DYM: variants seen among roughly 807,000 people sequenced by gnomAD.
DYM encodes the protein dymeclin.
A neutral mutation model predicts 93.1 loss-of-function variants in DYM; 78 were observed. The ratio of observed to expected loss-of-function variants is 0.84; its 90% CI spans 0.70 to 1.01. The LOEUF is 1.01. DYM is among the 50% of genes least tolerant of loss of function. DYM has a pLI of 0.00. For synonymous variants in DYM, 321 were observed against 319.7 expected, an observed-to-expected ratio of 1.00 and a Z score of -0.04; for missense variants, 789 against 845.0, an observed-to-expected ratio of 0.93 and a Z score of 0.82.
chr18:49,087,096 C>T (rs929436515), intron 17 of DYM, among the ~76,000 whole-genome samples: 1 of 152,090 alleles, frequency 6.6e-6, no homozygotes, highest in Non-Finnish European at 1.5e-5. Context: ...ATCTATAAAC[C>T]AGGAAGCAGT....
At chr18:49,273,699 C>T (rs781685726) in intron 10 of DYM, among the ~76,000 whole-genome samples, 9 of 152,158 alleles carry the variant, frequency 5.9e-5, no homozygotes, top group Middle Eastern at 3.4e-3. Context: ...TTAGGCTCTA[C>T]GATCTAGGTT....
chr18:49,217,098 A>C (rs1333512132), intron 13 of DYM, among the ~76,000 whole-genome samples: 2 of 152,246 alleles, frequency 1.3e-5, no homozygotes, highest in African/African-American at 4.8e-5. Flanking sequence ...CGAGAACTAC[A>C]TGAAGAATGC....
chr18:49,440,258 C>T (rs1245252991), intron 1 of DYM, among the ~76,000 whole-genome samples: 2 of 140,052 alleles, frequency 1.4e-5, no homozygotes, highest in Non-Finnish European at 3.1e-5. Flanking sequence ...TGCCCTTTGT[C>T]CCTTCTCAGG....
At chr18:49,215,473 T>A (rs1011546434) in intron 13 of DYM, among the ~76,000 whole-genome samples, 1 of 152,170 alleles carries the variant, frequency 6.6e-6, no homozygotes, top group East Asian at 1.9e-4. Flanking sequence ...TTTACAGACA[T>A]AGACAATATA....
intron 14 of DYM, among the ~76,000 whole-genome samples, chr18:49,177,403 T>G (rs1272937530): frequency 6.6e-6 from 1 of 152,192 alleles, no homozygotes; most frequent in Non-Finnish European, 1.5e-5. Flanking sequence ...ACACAATTGA[T>G]AGCCAAAATA....
intron 13 of DYM, among the ~76,000 whole-genome samples, chr18:49,215,562 T>C (rs562053239): frequency 1.3e-5 from 2 of 152,270 alleles, no homozygotes; most frequent in African/African-American, 4.8e-5. Context: ...ATTCCTAAAA[T>C]ATGGCAAAAA....
intron 14 of DYM, among the ~76,000 whole-genome samples, chr18:49,196,013 T>A (rs1316087690): frequency 7.7e-6 from 1 of 129,994 alleles, no homozygotes; most frequent in African/African-American, 2.8e-5. Context: ...AACCTTCACC[T>A]CCCGGGTTCA....
Position 49,123,337 on chromosome 18 carries a change from G to A in DYM, c.1729-4411C>T, listed in dbSNP as rs551622390. ...ATTGGTGCCTCGGTGCTCCTGCCCTGCAATCATACTAAAGACAGTACTGGC... is the reference window on the plus strand; with the variant it reads ...ATTGGTGCCTCGGTGCTCCTGCCCTACAATCATACTAAAGACAGTACTGGC... On this transcript the variant is annotated intron_variant, in intron 15 of 17. Coordinates refer to ENST00000675505, the MANE Select transcript of DYM (RefSeq NM_001353214.3). Among the ~76,000 whole-genome samples, 4 of 152,210 alleles carry A rather than the reference G, an allele frequency of 2.6e-5. No homozygotes were observed. In the East Asian group the frequency reaches 5.8e-4, roughly 22 times the overall value.
chr18:49,446,809 A>G (rs1000007935), intron 1 of DYM, among the ~76,000 whole-genome samples: 2 of 152,216 alleles, frequency 1.3e-5, no homozygotes, highest in Admixed American at 1.3e-4. Context: ...CTGTAATCCC[A>G]GCACTTCGGC....
intron 2 of DYM, among the ~76,000 whole-genome samples, chr18:49,428,890 G>A (rs1204476703): frequency 2.0e-5 from 3 of 152,102 alleles, no homozygotes; most frequent in East Asian, 1.9e-4. Flanking sequence ...CTCAAAAAGT[G>A]TATTATTTTT....
At chr18:49,062,726 G>T (rs897648165) in intron 17 of DYM, among the ~76,000 whole-genome samples, 1 of 152,228 alleles carries the variant, frequency 6.6e-6, no homozygotes, top group Non-Finnish European at 1.5e-5. Context: ...TAGGGCTAAC[G>T]GTTCCAGCTT....
chr18:49,387,311 C>T (rs1332464946), intron 3 of DYM, among the ~76,000 whole-genome samples: 1 of 152,102 alleles, frequency 6.6e-6, no homozygotes. Context: ...GAGTCTCACT[C>T]TGTCGCCCAG....
In DYM at chr18:49,043,743, C is replaced by T; in HGVS notation, c.*312G>A. The T allele has an allele frequency of 2.6e-6, 1 of 389,760 alleles. No homozygotes were observed. The highest frequency in any genetic ancestry group is 4.8e-6 in the Non-Finnish European group (1 of 207,880). 24.1% of individuals were successfully genotyped at this position (389,760 alleles called of 1,614,324 possible). On this transcript the variant is annotated 3_prime_UTR_variant, in exon 18 of 18. Coordinates refer to ENST00000675505, the MANE Select transcript of DYM (RefSeq NM_001353214.3). The stretch of plus-strand genomic sequence containing the variant: ...TGTGCACTGTTGAAGTGTGATGTGC[C>T]TAAGGCAACAGGATCTTGGGAAAGC...
intron 13 of DYM, among the ~76,000 whole-genome samples, chr18:49,218,706 A>T (rs2143931607): frequency 6.6e-6 from 1 of 152,320 alleles, no homozygotes; most frequent in African/African-American, 2.4e-5. Flanking sequence ...TTTGAAACCA[A>T]TGAGAACAAA....
chr18:49,298,266 T>C (rs112917390), intron 8 of DYM, among the ~76,000 whole-genome samples: 65 of 152,320 alleles, frequency 4.3e-4, no homozygotes, highest in African/African-American at 1.5e-3. Flanking sequence ...AAACTTTTTA[T>C]CCACCTTTGT....
At chr18:49,303,011 G>A (rs943886449) in intron 8 of DYM, among the ~76,000 whole-genome samples, 4 of 152,216 alleles carry the variant, frequency 2.6e-5, no homozygotes, top group African/African-American at 9.6e-5. Flanking sequence ...TTTTCAGTGA[G>A]TCTAGCTCCA....
At chr18:49,359,338 G>C (rs757155607) in intron 6 of DYM, among the ~76,000 whole-genome samples, 15 of 152,076 alleles carry the variant, frequency 9.9e-5, no homozygotes, top group South Asian at 2.1e-4. Context: ...TAAATGCTGA[G>C]AGCTATGGAG....
At chr18:49,360,391 G>A (rs1255189012) in intron 6 of DYM, among the ~76,000 whole-genome samples, 3 of 151,976 alleles carry the variant, frequency 2.0e-5, no homozygotes, top group African/African-American at 7.2e-5. Flanking sequence ...TTGGGAGGCC[G>A]AGGCGGGCAG....
intron 6 of DYM, among the ~76,000 whole-genome samples, chr18:49,349,286 A>G (rs1296816666): frequency 6.6e-6 from 1 of 152,226 alleles, no homozygotes; most frequent in Non-Finnish European, 1.5e-5. Flanking sequence ...TATACTGTAT[A>G]TGCAAAAAAT....
Sources: allele counts gnomAD v4.1 joint callset (sites outside exome capture counted in the v4.1 genomes callset), GRCh38; gene constraint gnomAD v4.1.1; transcripts MANE v1.5; gene names NCBI Gene and HGNC (gene_info 2026-07-23, HGNC 2026-07-21).